The following DOCK4 variants were observed in gnomAD, a reference collection of about 807,000 sequenced individuals.
The protein encoded by DOCK4 is dedicator of cytokinesis protein 4.
In DOCK4, 97 loss-of-function variants were observed where a neutral mutation model predicts 268.1. That is an observed-to-expected ratio of 0.36 (90% confidence interval 0.31 to 0.43). The LOEUF is 0.43. Among genes scored for constraint, DOCK4 ranks in the 20% least tolerant of loss-of-function variants. The pLI is 1.00. For synonymous variants in DOCK4, 954 were observed against 887.2 expected, an observed-to-expected ratio of 1.08 and a Z score of -1.34; for missense variants, 2,145 against 2,455.7, an observed-to-expected ratio of 0.87 and a Z score of 2.67.
chr7:112,158,598 T>C (rs1816821900), intron 1 of DOCK4, among the ~76,000 whole-genome samples: 1 of 152,214 alleles, frequency 6.6e-6, no homozygotes, highest in Non-Finnish European at 1.5e-5. Context: ...TCAATGCTGT[T>C]AAAATGCTAA....
chr7:111,795,672 T>C (rs528301003), intron 30 of DOCK4, among the ~76,000 whole-genome samples: 1 of 152,250 alleles, frequency 6.6e-6, no homozygotes, highest in South Asian at 2.1e-4. Flanking sequence ...CACATGTAAT[T>C]AGTGGAGCTC....
At position 111,935,004 on chromosome 7, in the gene DOCK4, T is replaced by C. The variant is rs997164563; in HGVS notation, c.1066+536A>G. The stretch of plus-strand genomic sequence containing the variant: ...CTGTGTCACGCAGGCTGGAGTGCAA[T>C]GGCACAATCTCAGCTCACTGCAACA... On this transcript the variant is annotated intron_variant, in intron 12 of 52. Transcript: ENST00000428084. Among the ~76,000 whole-genome samples the C allele has an allele frequency of 3.9e-5, 6 of 151,934 alleles. No individual in the cohort carries two copies. The South Asian group carries it at 1.2e-3, about 32-fold the overall frequency.
At chr7:112,110,364 C>T (rs1052815210) in intron 1 of DOCK4, among the ~76,000 whole-genome samples, 1 of 152,148 alleles carries the variant, frequency 6.6e-6, no homozygotes, top group African/African-American at 2.4e-5. Flanking sequence ...TGGATTGAGT[C>T]CAGGGTGATA....
At chr7:112,088,901 C>T (rs1309109670) in intron 1 of DOCK4, among the ~76,000 whole-genome samples, 2 of 152,066 alleles carry the variant, frequency 1.3e-5, no homozygotes, top group Non-Finnish European at 2.9e-5. Flanking sequence ...TTAAGTAATG[C>T]ATTTAAAGAG....
At chr7:112,031,635 T>C (rs1461557933) in intron 1 of DOCK4, among the ~76,000 whole-genome samples, 1 of 152,190 alleles carries the variant, frequency 6.6e-6, no homozygotes, top group South Asian at 2.1e-4. Flanking sequence ...TCTCCTGAGC[T>C]GCAATTCATC....
At chr7:111,809,859 G>A (rs1201955884) in intron 28 of DOCK4, among the ~76,000 whole-genome samples, 1 of 152,060 alleles carries the variant, frequency 6.6e-6, no homozygotes, top group Non-Finnish European at 1.5e-5. Context: ...CACTTCTTCA[G>A]ATATGCTAAT....
At chr7:111,763,333 C>T (rs1038259568) in intron 39 of DOCK4, among the ~76,000 whole-genome samples, 2 of 152,174 alleles carry the variant, frequency 1.3e-5, no homozygotes, top group African/African-American at 4.8e-5. Context: ...AAAAAAAGGT[C>T]AGGCTCCAGG....
At chr7:111,775,107 C>A (rs1339096399) in intron 36 of DOCK4, among the ~76,000 whole-genome samples, 1 of 152,126 alleles carries the variant, frequency 6.6e-6, no homozygotes, top group Non-Finnish European at 1.5e-5. Context: ...TTCTAGGCAA[C>A]AGAATTAATA....
chr7:112,177,479 C>T (rs941335771), intron 1 of DOCK4, among the ~76,000 whole-genome samples: 6 of 152,268 alleles, frequency 3.9e-5, no homozygotes, highest in Admixed American at 1.3e-4. Context: ...TGTAAATTTG[C>T]AACCCACCAT....
At chr7:111,911,048 GT>G (rs1792054109) in intron 13 of DOCK4, among the ~76,000 whole-genome samples, 1 of 152,190 alleles carries the variant, frequency 6.6e-6, no homozygotes, top group African/African-American at 2.4e-5. Context: ...TCTTGTCCTT[GT>G]CAGGATCACA....
intron 7 of DOCK4, among the ~76,000 whole-genome samples, chr7:111,983,615 A>G (rs917617515): frequency 6.6e-6 from 1 of 152,158 alleles, no homozygotes; most frequent in Non-Finnish European, 1.5e-5. Context: ...CTGGATGCCA[A>G]GCAAAAAAAC....
intron 1 of DOCK4, among the ~76,000 whole-genome samples, chr7:112,045,256 T>A (rs111350411): frequency 6.6e-6 from 1 of 152,208 alleles, no homozygotes; most frequent in Non-Finnish European, 1.5e-5. Flanking sequence ...GAGTGACTTA[T>A]CCTCTCAATT....
intron 17 of DOCK4, among the ~76,000 whole-genome samples, chr7:111,874,835 C>T (rs950748544): frequency 1.2e-4 from 18 of 152,314 alleles, no homozygotes; most frequent in African/African-American, 3.4e-4. Context: ...TGTTGGACAA[C>T]GCAAAGCGTG....
chr7:111,945,700 A>G lies in DOCK4; in HGVS notation c.783+17T>C. 6.3e-7 allele frequency: 1 copy of G among 1,579,774 alleles called. No individual in the cohort carries two copies. The highest frequency in any genetic ancestry group is 8.6e-7 in the Non-Finnish European group (1 of 1,160,842). ...ACTGGATGAATCTGCCTTATGAATG[A>G]AACAAGATCCACTCACCACAAAGAG... On this transcript the variant is annotated intron_variant, in intron 9 of 52. Transcript: ENST00000428084.
intron 22 of DOCK4, among the ~76,000 whole-genome samples, chr7:111,867,478 G>A (rs1025057665): frequency 4.0e-4 from 61 of 152,260 alleles, no homozygotes; most frequent in Admixed American, 2.6e-3. Flanking sequence ...GGCTACTTCC[G>A]GTAATGGAGT....
chr7:112,168,010 A>C (rs1206546156), intron 1 of DOCK4, among the ~76,000 whole-genome samples: 2 of 151,978 alleles, frequency 1.3e-5, no homozygotes, highest in Non-Finnish European at 2.9e-5. Context: ...AACTGTATCG[A>C]TTTTTTGGAA....
At chr7:111,994,263 T>TA (rs1183162387) in intron 4 of DOCK4, 32 bp from the exon 5 acceptor site, 1 of 1,382,906 alleles carries the variant, frequency 7.2e-7, no homozygotes, top group Non-Finnish European at 1.0e-6. Context: ...AGTATATATG[T>TA]AAATACCATA....
At chr7:111,863,127 T>C (rs899934743) in intron 23 of DOCK4, 2 of 479,080 alleles carry the variant, frequency 4.2e-6, no homozygotes, top group African/African-American at 3.9e-5. Flanking sequence ...TCTGAAGGAG[T>C]GTTAAATCCC....
chr7:111,729,033 A>C (rs1794877904), intron 52 of DOCK4, among the ~76,000 whole-genome samples: 1 of 152,156 alleles, frequency 6.6e-6, no homozygotes, highest in South Asian at 2.1e-4. Flanking sequence ...CAAGGCTGCC[A>C]CGCATTGATC....
Sources: allele counts gnomAD v4.1 joint callset (sites outside exome capture counted in the v4.1 genomes callset), GRCh38; gene constraint gnomAD v4.1.1; transcripts MANE v1.5; gene names NCBI Gene and HGNC (gene_info 2026-07-23, HGNC 2026-07-21).